Variants in CPPED1 observed in about 807,000 individuals in gnomAD.
CPPED1 encodes the protein calcineurin like phosphoesterase domain containing 1.
In CPPED1, 28 loss-of-function variants were observed where a neutral mutation model predicts 28.0. The observed-to-expected ratio is 1.00, with a 90% CI of 0.74 to 1.37. The LOEUF (loss-of-function observed/expected upper bound fraction) is 1.37. CPPED1 is among the 40% of genes most tolerant of loss of function. The pLI, the probability that CPPED1 is intolerant of heterozygous loss-of-function variation, is 0.00. For missense variants in CPPED1, 504 were observed against 416.5 expected, an observed-to-expected ratio of 1.21 and a Z score of -1.83; for synonymous variants, 198 against 180.2, an observed-to-expected ratio of 1.10 and a Z score of -0.79.
chr16:12,690,614 C>T (rs1271091445), intron 3 of CPPED1, among the ~76,000 whole-genome samples: 3 of 144,280 alleles, frequency 2.1e-5, no homozygotes, highest in Non-Finnish European at 3.0e-5. Flanking sequence ...CTCAGGAGTT[C>T]GAGACCAGCT....
rs2080458739 is a variant in CPPED1 at position 12,769,642 on chromosome 16, G to C, written c.289+11543C>G. On this transcript the variant is annotated intron_variant, in intron 2 of 3. Transcript: ENST00000381774. Reference sequence around the variant, plus strand: ...GGGCGGCATTGTCACTGATTGCCTGGATGATTTCACCGGGCTCATACTGGA... The same window carrying C: ...GGGCGGCATTGTCACTGATTGCCTGCATGATTTCACCGGGCTCATACTGGA... Among the ~76,000 whole-genome samples the C allele has an allele frequency of 2.6e-5, 4 of 152,160 alleles. No homozygotes were observed. The South Asian group carries it at 8.3e-4, about 32-fold the overall frequency.
intron 3 of CPPED1, among the ~76,000 whole-genome samples, chr16:12,691,125 C>T (rs771294090): frequency 1.6e-4 from 24 of 152,246 alleles, no homozygotes; most frequent in Non-Finnish European, 3.4e-4. Flanking sequence ...CAATTAGTGT[C>T]ACCCACCACT....
At chr16:12,714,142 T>G (rs1254358759) in intron 2 of CPPED1, among the ~76,000 whole-genome samples, 1 of 152,262 alleles carries the variant, frequency 6.6e-6, no homozygotes, top group Non-Finnish European at 1.5e-5. Context: ...ACTATTCTAC[T>G]GTATGAATAT....
rs182902514 is a variant in CPPED1, at chr16:12,705,010, C to T, written c.329G>A (p.Arg110Gln). ...GGCCCTGTCCACTGCCCTAAGCACT[C>T]GCTTCAGGTCCTCCGTCTGCTCCGT... ...WRTEQTEDLK[R>Q]VLRAVDRAIP... The change falls in exon 3 of 4, where the codon CGA becomes CAA. Residue 110 changes from arginine to glutamine, a missense_variant. Arg to Gln is a conservative substitution (Grantham distance 43). Coordinates refer to ENST00000381774, the MANE Select transcript of CPPED1 (RefSeq NM_018340.3). 1.9e-3 allele frequency: 3,045 copies of T among 1,613,622 alleles called. 2 individuals carry two copies. Among genetic ancestry groups the T allele is most frequent in the South Asian group, 2.3e-3 (207 of 91,070 alleles).
At chr16:12,784,362 T>C (rs1040525856) in intron 1 of CPPED1, among the ~76,000 whole-genome samples, 2 of 152,194 alleles carry the variant, frequency 1.3e-5, no homozygotes, top group African/African-American at 4.8e-5. Context: ...TAAGACTCTG[T>C]GGCAGATGAA....
At chr16:12,730,939 A>G (rs2080193944) in intron 2 of CPPED1, among the ~76,000 whole-genome samples, 1 of 152,134 alleles carries the variant, frequency 6.6e-6, no homozygotes. Context: ...TGGGTATAGG[A>G]ATAAAAAGAG....
chr16:12,709,843 A>G lies in CPPED1; in HGVS notation c.290-4794T>C, dbSNP rs2080070469. The stretch of plus-strand genomic sequence containing the variant: ...CACTGAACATCATACTAGAAATCCT[A>G]GCCAGTGCAATAGGCAGGCAGGCAG... On this transcript the variant is annotated intron_variant, in intron 2 of 3. Coordinates refer to ENST00000381774, the MANE Select transcript of CPPED1 (RefSeq NM_018340.3). This position sits in a 1 kb window ranked among gnomAD's most constrained non-coding sequence, Gnocchi z 4.4. 1.3e-5 allele frequency among the ~76,000 whole-genome samples: 2 copies of G among 151,884 alleles called. No individual in the cohort carries two copies. The highest frequency in any genetic ancestry group is 2.9e-5 in the Non-Finnish European group (2 of 67,968).
chr16:12,752,497 C>A (rs555639166), intron 2 of CPPED1, among the ~76,000 whole-genome samples: 2 of 151,980 alleles, frequency 1.3e-5, no homozygotes, highest in African/African-American at 4.8e-5. Context: ...CAATCTGTGT[C>A]AGCTCTGAGT....
chr16:12,784,872 T>C (rs1171666149), intron 1 of CPPED1, among the ~76,000 whole-genome samples: 1 of 152,236 alleles, frequency 6.6e-6, no homozygotes, highest in Non-Finnish European at 1.5e-5. Context: ...CTTGAAGCTA[T>C]TAAAACAAAT....
At chr16:12,706,570 A>C (rs560312268) in intron 2 of CPPED1, among the ~76,000 whole-genome samples, 4 of 151,314 alleles carry the variant, frequency 2.6e-5, no homozygotes, top group South Asian at 2.1e-4. Flanking sequence ...AAAAAAAAAA[A>C]AAAAAACTCA....
At chr16:12,719,258 G>A (rs1028135111) in intron 2 of CPPED1, among the ~76,000 whole-genome samples, 1 of 151,926 alleles carries the variant, frequency 6.6e-6, no homozygotes, top group Non-Finnish European at 1.5e-5. Context: ...AGGTGCGGTG[G>A]CGGGCGCCTG....
chr16:12,793,464 G>A (rs1031329494), intron 1 of CPPED1, among the ~76,000 whole-genome samples: 1 of 152,154 alleles, frequency 6.6e-6, no homozygotes, highest in Non-Finnish European at 1.5e-5. Flanking sequence ...AGGCCTGAGT[G>A]CCCAAGTTCA....
intron 1 of CPPED1, among the ~76,000 whole-genome samples, chr16:12,796,232 G>C (rs1456322016): frequency 1.3e-5 from 2 of 152,012 alleles, no homozygotes; most frequent in African/African-American, 4.8e-5. Flanking sequence ...TGTGGCTCAT[G>C]CCTGTAATCC....
Position 12,696,579 on chromosome 16 carries a change from T to C in CPPED1, c.715+8045A>G, listed in dbSNP as rs576274134. Among the ~76,000 whole-genome samples the C allele has an allele frequency of 3.3e-5, 5 of 151,828 alleles. No homozygotes were observed. The South Asian group carries it at 8.3e-4, about 25-fold the overall frequency. ...GCCTCAGCCTCCTGAGTAGCTGGGATTACAGGCACTCACCACCACGCTCCA... is the reference window on the plus strand; with the variant it reads ...GCCTCAGCCTCCTGAGTAGCTGGGACTACAGGCACTCACCACCACGCTCCA... On this transcript the variant is annotated intron_variant, in intron 3 of 3. Coordinates refer to ENST00000381774, the MANE Select transcript of CPPED1 (RefSeq NM_018340.3).
rs551200125 is a variant in CPPED1, at chr16:12,799,653, T to C, written c.70+4054A>G. Among the ~76,000 whole-genome samples, 195 of 152,340 alleles carry C rather than the reference T, an allele frequency of 1.3e-3. 3 individuals are homozygous for C. The highest frequency in any genetic ancestry group is 1.6e-3 in the Non-Finnish European group (111 of 68,022). The stretch of plus-strand genomic sequence containing the variant: ...ATGCCTCTAAGGGCACCTCTCCAAG[T>C]TGCCAGCGATGCTAATAGAGTCAGG... On this transcript the variant is annotated intron_variant, in intron 1 of 3. Transcript: ENST00000381774.
At chr16:12,797,804 G>C (rs529028689) in intron 1 of CPPED1, among the ~76,000 whole-genome samples, 1 of 152,302 alleles carries the variant, frequency 6.6e-6, no homozygotes, top group East Asian at 1.9e-4. Flanking sequence ...GTGGCCAGCA[G>C]ACCATGGGTT....
intron 3 of CPPED1, among the ~76,000 whole-genome samples, chr16:12,695,602 T>A (rs1202965749): frequency 1.3e-5 from 2 of 152,210 alleles, no homozygotes; most frequent in Admixed American, 1.3e-4. Flanking sequence ...AGCCAAAGGT[T>A]TCTCTGTATA....
intron 3 of CPPED1, among the ~76,000 whole-genome samples, chr16:12,697,883 G>A (rs2080000247): frequency 6.6e-6 from 1 of 152,186 alleles, no homozygotes; most frequent in South Asian, 2.1e-4. Context: ...AGGCCAAGGT[G>A]AGCGGATCAC....
chr16:12,777,933 G>T lies in CPPED1; in HGVS notation c.289+3252C>A, dbSNP rs185666614. The stretch of plus-strand genomic sequence containing the variant: ...TTTTTTTTTTTTCTTTTTTTGAGAT[G>T]AAGTCTTGCTCTGTCACTCAGGCTG... On this transcript the variant is annotated intron_variant, in intron 2 of 3. Transcript: ENST00000381774. Among the ~76,000 whole-genome samples the T allele has an allele frequency of 7.3e-4, 90 of 123,238 alleles. 2 individuals carry two copies. In the Admixed American group the frequency reaches 7.6e-3, roughly 10 times the overall value. 80.8% of individuals were successfully genotyped at this position (123,238 alleles called of 152,430 possible).
Sources: gnomAD v4.1 joint callset for allele counts (sites outside exome capture counted in the v4.1 genomes callset) on GRCh38, gnomAD v4.1.1 for gene constraint, Gnocchi (gnomAD v3.1) non-coding constraint, MANE v1.5 for transcripts, NCBI Gene and HGNC (gene_info 2026-07-23, HGNC 2026-07-21) for gene names.